The following CACNG2 variants were observed in gnomAD, a reference collection of about 807,000 sequenced individuals.
The protein encoded by CACNG2 is calcium voltage-gated channel auxiliary subunit gamma 2.
Under a neutral mutation model 25.9 loss-of-function variants are expected in CACNG2, and 3 were observed. That is an observed-to-expected ratio of 0.12 (90% CI 0.05 to 0.30). The LOEUF is 0.30. Among genes scored for constraint, CACNG2 ranks in the 10% least tolerant of loss-of-function variants. CACNG2 has a pLI of 1.00. For missense variants in CACNG2, 341 were observed against 432.5 expected (o/e 0.79, Z 1.88); for synonymous variants, 167 against 173.3 (o/e 0.96, Z 0.29).
At chr22:36,583,119 C>T (rs555629787) in intron 2 of CACNG2, among the ~76,000 whole-genome samples, 1 of 152,152 alleles carries the variant, frequency 6.6e-6, no homozygotes, top group South Asian at 2.1e-4. Context: ...CCATCCAGCT[C>T]ACACCTCTGC....
intron 1 of CACNG2, among the ~76,000 whole-genome samples, chr22:36,664,201 G>C (rs2145986760): frequency 6.6e-6 from 1 of 151,952 alleles, no homozygotes; most frequent in Middle Eastern, 3.4e-3. Flanking sequence ...TTATAGTAAG[G>C]ATTTAAGAGC....
intron 1 of CACNG2, among the ~76,000 whole-genome samples, chr22:36,677,537 C>T (rs928292067): frequency 5.3e-5 from 8 of 152,004 alleles, no homozygotes; most frequent in South Asian, 2.1e-4. Flanking sequence ...TGATTCATGC[C>T]GATAAAAAGG....
At chr22:36,586,255 T>C (rs1935500858) in intron 2 of CACNG2, among the ~76,000 whole-genome samples, 1 of 152,236 alleles carries the variant, frequency 6.6e-6, no homozygotes, top group Non-Finnish European at 1.5e-5. Flanking sequence ...AACCCACGTT[T>C]ACCGCACAGC....
At chr22:36,686,466 G>T (rs1176686123) in intron 1 of CACNG2, among the ~76,000 whole-genome samples, 2 of 152,166 alleles carry the variant, frequency 1.3e-5, no homozygotes, top group Non-Finnish European at 2.9e-5. Context: ...TCCCCCAAGG[G>T]TATCAGCTGG....
intron 1 of CACNG2, among the ~76,000 whole-genome samples, chr22:36,629,735 T>C (rs901080566): frequency 6.6e-6 from 1 of 152,172 alleles, no homozygotes; most frequent in Non-Finnish European, 1.5e-5. Flanking sequence ...GAGCTCCTAC[T>C]GGGTTCCAGG....
chr22:36,618,221 C>T (rs1936050945), intron 1 of CACNG2, among the ~76,000 whole-genome samples: 1 of 152,210 alleles, frequency 6.6e-6, no homozygotes, highest in African/African-American at 2.4e-5. Flanking sequence ...AACTTGCCAC[C>T]ATATGGCTGC....
chr22:36,674,994 G>A (rs9610564), intron 1 of CACNG2, among the ~76,000 whole-genome samples: 202 of 152,324 alleles, frequency 1.3e-3, no homozygotes, highest in Non-Finnish European at 2.4e-3. Context: ...CACATAGTAA[G>A]TGTTCAATAA....
chr22:36,687,136 A>T (rs1481639162), intron 1 of CACNG2, among the ~76,000 whole-genome samples: 1 of 152,146 alleles, frequency 6.6e-6, no homozygotes, highest in East Asian at 1.9e-4. Flanking sequence ...TGGCAGCCCT[A>T]CTTGACTGTG....
chr22:36,641,193 C>T (rs1168908507), intron 1 of CACNG2, among the ~76,000 whole-genome samples: 1 of 152,194 alleles, frequency 6.6e-6, no homozygotes, highest in East Asian at 1.9e-4. Context: ...CTTGTCACCA[C>T]CTGATAAACA....
intron 1 of CACNG2, among the ~76,000 whole-genome samples, chr22:36,663,441 T>C (rs1246392891): frequency 6.6e-6 from 1 of 152,140 alleles, no homozygotes; most frequent in Non-Finnish European, 1.5e-5. Context: ...GACAAAGCAA[T>C]ATTAAAGTTC....
intron 1 of CACNG2, among the ~76,000 whole-genome samples, chr22:36,670,265 G>A (rs529452727): frequency 1.3e-5 from 2 of 152,286 alleles, no homozygotes; most frequent in South Asian, 4.1e-4. Context: ...CAGTAGATTA[G>A]GGCCAGTTCA....
At chr22:36,580,578 G>A (rs1217832839) in intron 2 of CACNG2, among the ~76,000 whole-genome samples, 1 of 152,084 alleles carries the variant, frequency 6.6e-6, no homozygotes, top group Non-Finnish European at 1.5e-5. Context: ...CCCCCTGGAG[G>A]GAGTACGTCA....
At chr22:36,590,286 T>C (rs144351712) in intron 1 of CACNG2, among the ~76,000 whole-genome samples, 3,894 of 152,274 alleles carry the variant, frequency 0.026, 65 homozygotes, top group Middle Eastern at 0.071. Flanking sequence ...AGATAATCAG[T>C]GGCCCAGACC....
intron 1 of CACNG2, among the ~76,000 whole-genome samples, chr22:36,644,380 G>T (rs1427724994): frequency 6.6e-6 from 1 of 152,188 alleles, no homozygotes; most frequent in Non-Finnish European, 1.5e-5. Flanking sequence ...AACCTCACTA[G>T]GTCTTTGAGA....
chr22:36,664,722 G>A (rs1936849541), intron 1 of CACNG2, among the ~76,000 whole-genome samples: 2 of 152,294 alleles, frequency 1.3e-5, no homozygotes, highest in Admixed American at 1.3e-4. Context: ...CTCAAATAAG[G>A]CATCGTCTAA....
At chr22:36,694,332 GAACTGAGAGAATATGGAACTGGGA>G (rs1468102970) in intron 1 of CACNG2, among the ~76,000 whole-genome samples, 1 of 152,184 alleles carries the variant, frequency 6.6e-6, no homozygotes, top group Non-Finnish European at 1.5e-5. Flanking sequence ...CGGTGTCTTA[GAACTGAGAGAATATGGAACTGGGA>G]GAATAAAGCC....
intron 1 of CACNG2, among the ~76,000 whole-genome samples, chr22:36,647,329 C>T (rs1178400293): frequency 6.6e-6 from 1 of 152,172 alleles, no homozygotes; most frequent in Admixed American, 6.5e-5. Context: ...GGTGCGGTGG[C>T]TCACACCTGT....
At chr22:36,636,671 TC>T (rs1258975579) in intron 1 of CACNG2, among the ~76,000 whole-genome samples, 3 of 152,242 alleles carry the variant, frequency 2.0e-5, no homozygotes, top group African/African-American at 7.2e-5. Context: ...GTGGAACTTC[TC>T]GTTTATTTAA....
intron 1 of CACNG2, among the ~76,000 whole-genome samples, chr22:36,635,740 C>T (rs1485785650): frequency 6.6e-6 from 1 of 152,164 alleles, no homozygotes; most frequent in Non-Finnish European, 1.5e-5. Context: ...TCAACCCAAG[C>T]TCATGATCCA....
Sources: allele counts gnomAD v4.1 joint callset (sites outside exome capture counted in the v4.1 genomes callset), GRCh38; gene constraint gnomAD v4.1.1; transcripts MANE v1.5; gene names NCBI Gene and HGNC (gene_info 2026-07-23, HGNC 2026-07-21).